FAM107B: variants seen among roughly 807,000 people sequenced by gnomAD.
FAM107B encodes family with sequence similarity 107 member B.
In FAM107B, 21 loss-of-function variants were observed where a neutral mutation model predicts 31.5. The observed-to-expected ratio is 0.67, with a 90% CI of 0.47 to 0.96. FAM107B has a LOEUF of 0.96. Ranked by LOEUF, FAM107B falls within the 40% of genes least tolerant of loss-of-function variation. FAM107B has a pLI of 0.00. For synonymous variants in FAM107B, 157 were observed against 141.5 expected (o/e 1.11, Z -0.78); for missense variants, 452 against 377.1 (o/e 1.20, Z -1.64).
intron 2 of FAM107B, among the ~76,000 whole-genome samples, chr10:14,626,711 G>A (rs1018002011): frequency 2.0e-5 from 3 of 152,054 alleles, no homozygotes; most frequent in Non-Finnish European, 4.4e-5. Flanking sequence ...CACCGTGTTA[G>A]CCAGGATGGT....
intron 2 of FAM107B, among the ~76,000 whole-genome samples, chr10:14,574,762 C>A (rs1305817522): frequency 6.6e-6 from 1 of 152,168 alleles, no homozygotes; most frequent in Non-Finnish European, 1.5e-5. Context: ...TACATTCACA[C>A]TTTTCCCCAA....
chr10:14,579,997 G>T (rs1851583491), intron 2 of FAM107B, among the ~76,000 whole-genome samples: 1 of 146,252 alleles, frequency 6.8e-6, no homozygotes, highest in Non-Finnish European at 1.5e-5. Context: ...ACTCCAGCAT[G>T]TGTTACAGCA....
At chr10:14,758,283 G>A (rs917105859) in intron 1 of FAM107B, among the ~76,000 whole-genome samples, 1 of 152,118 alleles carries the variant, frequency 6.6e-6, no homozygotes, top group African/African-American at 2.4e-5. Context: ...AGAAAATTGC[G>A]AGGATAACGG....
intron 1 of FAM107B, among the ~76,000 whole-genome samples, chr10:14,685,018 A>G (rs1588704551): frequency 6.6e-6 from 1 of 152,006 alleles, no homozygotes; most frequent in Admixed American, 6.6e-5. Flanking sequence ...ATTTGTAGAC[A>G]TGGGGTCTCC....
At position 14,643,675 on chromosome 10, in the gene FAM107B, G is replaced by T. The variant is rs1294057974; in HGVS notation, c.469+23959C>A. Among the ~76,000 whole-genome samples, 4 of 152,238 alleles carry T rather than the reference G, an allele frequency of 2.6e-5. No individual in the cohort carries two copies. In the East Asian group the frequency reaches 7.7e-4, roughly 29 times the overall value. The stretch of plus-strand genomic sequence containing the variant: ...TCTGCCCACCTCGGCCTCCCAAAGT[G>T]CTGGGATTACAGGCGTGAGCCACTG... On this transcript the variant is annotated intron_variant, in intron 2 of 4. Coordinates refer to ENST00000181796, the MANE Select transcript of FAM107B (RefSeq NM_031453.4).
Position 14,521,085 on chromosome 10 carries a change from T to G in FAM107B, c.*105A>C. ...ACCAAATCCTACTGCAAGTCAAAAT[T>G]CTCTGCTGGCTGAAATATTCTCCAG... On this transcript the variant is annotated 3_prime_UTR_variant, in exon 5 of 5. Coordinates refer to ENST00000181796, the MANE Select transcript of FAM107B (RefSeq NM_031453.4). 1.1e-6 allele frequency: 1 copy of G among 898,742 alleles called. No individual in the cohort carries two copies. The highest frequency in any genetic ancestry group is 1.7e-6 in the Non-Finnish European group (1 of 577,828). The allele number at this position is 898,742 out of a possible 1,614,324, so 55.7% of individuals were successfully genotyped here. A position where few individuals can be genotyped will look rare whatever the true frequency, so the allele number is the denominator to read the frequency against.
intron 1 of FAM107B, among the ~76,000 whole-genome samples, chr10:14,726,051 T>C (rs539950236): frequency 6.6e-6 from 1 of 152,080 alleles, no homozygotes; most frequent in Admixed American, 6.6e-5. Flanking sequence ...TAGAATGCAA[T>C]GGCGCGATCT....
Position 14,694,217 on chromosome 10 carries a change from C to T in FAM107B, c.412-26526G>A, listed in dbSNP as rs530341990. 6.5e-4 allele frequency among the ~76,000 whole-genome samples: 99 copies of T among 152,280 alleles called. 2 individuals carry two copies. In the South Asian group the frequency reaches 0.018, roughly 27 times the overall value. On this transcript the variant is annotated intron_variant, in intron 1 of 4. Coordinates refer to ENST00000181796, the MANE Select transcript of FAM107B (RefSeq NM_031453.4). ...TCTTTATGAGGTGGTGATTTCATTT[C>T]CCTTGGATATATGTCTAACAGAGGG...
chr10:14,616,482 T>C (rs1852853621), intron 2 of FAM107B, among the ~76,000 whole-genome samples: 1 of 152,214 alleles, frequency 6.6e-6, no homozygotes, highest in Non-Finnish European at 1.5e-5. Context: ...AAAGGTATTG[T>C]TCCATTGCCT....
In FAM107B at chr10:14,519,435, C is replaced by G. The variant is rs553719311; in HGVS notation, c.*1755G>C. 6.6e-6 allele frequency: 1 copy of G among 152,332 alleles called. No homozygotes were observed. Among genetic ancestry groups the G allele is most frequent in the South Asian group, 2.1e-4 (1 of 4,832 alleles). The allele number at this position is 152,332 out of a possible 1,614,324, so 9.4% of individuals were successfully genotyped here. Reference sequence around the variant, plus strand: ...CTTTTCAAGATCATCAGTCATCACACTTCCTTCTCTCAAAAGAACGATGGG... The same window carrying G: ...CTTTTCAAGATCATCAGTCATCACAGTTCCTTCTCTCAAAAGAACGATGGG... On this transcript the variant is annotated 3_prime_UTR_variant, in exon 5 of 5. Transcript: ENST00000181796.
chr10:14,687,290 A>G (rs1251202527), intron 1 of FAM107B, among the ~76,000 whole-genome samples: 1 of 152,204 alleles, frequency 6.6e-6, no homozygotes, highest in Non-Finnish European at 1.5e-5. Flanking sequence ...AACGGAGAGA[A>G]CAAGAGCTCT....
At chr10:14,647,359 A>G (rs932543328) in intron 2 of FAM107B, among the ~76,000 whole-genome samples, 1 of 152,184 alleles carries the variant, frequency 6.6e-6, no homozygotes, top group African/African-American at 2.4e-5. Context: ...ACTGGTAGGC[A>G]GAGACGTATA....
intron 2 of FAM107B, among the ~76,000 whole-genome samples, chr10:14,567,751 T>C (rs1270411461): frequency 6.6e-6 from 1 of 152,180 alleles, no homozygotes; most frequent in Non-Finnish European, 1.5e-5. Context: ...GATGTTCTTA[T>C]TGTAATCTGT....
At chr10:14,598,600 G>A (rs1852263746) in intron 2 of FAM107B, among the ~76,000 whole-genome samples, 1 of 152,212 alleles carries the variant, frequency 6.6e-6, no homozygotes, top group Admixed American at 6.5e-5. Flanking sequence ...AGTTCAGCAA[G>A]AGGAATAAGC....
chr10:14,724,154 T>A, intron 1 of FAM107B: 1 of 496,808 alleles, frequency 2.0e-6, no homozygotes. Flanking sequence ...CTTCTATGCA[T>A]GTGTCTTCTA....
intron 2 of FAM107B, among the ~76,000 whole-genome samples, chr10:14,634,734 AGAT>A (rs914550682): frequency 9.8e-5 from 15 of 152,312 alleles, no homozygotes; most frequent in African/African-American, 3.1e-4. Flanking sequence ...GCCTGAAGTC[AGAT>A]GATGCCATCA....
At chr10:14,600,141 C>T (rs533162087) in intron 2 of FAM107B, among the ~76,000 whole-genome samples, 4 of 152,284 alleles carry the variant, frequency 2.6e-5, no homozygotes, top group African/African-American at 9.6e-5. Context: ...TGCAACAAAA[C>T]CTCTGGTGGG....
chr10:14,606,469 A>C (rs1427394558), intron 2 of FAM107B, among the ~76,000 whole-genome samples: 1 of 152,178 alleles, frequency 6.6e-6, no homozygotes, highest in Non-Finnish European at 1.5e-5. Flanking sequence ...TGCCTAATGT[A>C]ATATCTGGCA....
chr10:14,569,719 C>T (rs11259194), intron 2 of FAM107B, among the ~76,000 whole-genome samples: 28,134 of 152,046 alleles, frequency 0.19, 2,836 homozygotes, highest in East Asian at 0.41. Flanking sequence ...TTGAGGGAAA[C>T]CAAGGTTCCT....
Sources: gnomAD v4.1 joint callset for allele counts (sites outside exome capture counted in the v4.1 genomes callset) on GRCh38, gnomAD v4.1.1 for gene constraint, MANE v1.5 for transcripts, NCBI Gene and HGNC (gene_info 2026-07-23, HGNC 2026-07-21) for gene names.